MAP3K13: variants seen among roughly 807,000 people sequenced by gnomAD.
The protein encoded by MAP3K13 is mitogen-activated protein kinase kinase kinase 13, also known as leucine zipper-bearing kinase.
MAP3K13 carries 52 observed loss-of-function variants against 104.0 expected under a neutral mutation model. The observed-to-expected ratio is 0.50, with a 90% CI of 0.40 to 0.63. The LOEUF (loss-of-function observed/expected upper bound fraction) is 0.63. Among genes scored for constraint, MAP3K13 ranks in the 20% least tolerant of loss-of-function variants. MAP3K13 has a pLI of 0.00. For synonymous variants in MAP3K13, 394 were observed against 442.2 expected, an observed-to-expected ratio of 0.89 and a Z score of 1.37; for missense variants, 914 against 1,218.5, an observed-to-expected ratio of 0.75 and a Z score of 3.72.
intron 2 of MAP3K13, among the ~76,000 whole-genome samples, chr3:185,326,846 G>A (rs564444959): frequency 6.6e-6 from 1 of 152,272 alleles, no homozygotes; most frequent in Non-Finnish European, 1.5e-5. Context: ...ATTTATAAAA[G>A]TACAGCACCC....
rs148582078 is a variant in MAP3K13, at chr3:185,327,885, C to T, written c.-86+42242C>T. Among the ~76,000 whole-genome samples, 335 of 142,004 alleles carry T rather than the reference C, an allele frequency of 2.4e-3. 2 individuals carry two copies. The highest frequency in any genetic ancestry group is 7.4e-3 in the African/African-American group (291 of 39,114). The allele number at this position is 142,004 out of a possible 152,430, so 93.2% of individuals were successfully genotyped here. Reference sequence around the variant, plus strand: ...CAAGATCGTGCCACTGCACTCCAGCCGGGACAACAGAGTGAGACTCTGTCA... The same window carrying T: ...CAAGATCGTGCCACTGCACTCCAGCTGGGACAACAGAGTGAGACTCTGTCA... On this transcript the variant is annotated intron_variant, in intron 2 of 14. Transcript: ENST00000424227.
Position 185,447,888 on chromosome 3 carries a change from C to T in MAP3K13, c.951C>T (p.Val317=), listed in dbSNP as rs200384064. The T allele has an allele frequency of 1.2e-5, 19 of 1,614,022 alleles. No individual in the cohort carries two copies. The highest frequency in any genetic ancestry group is 1.1e-4 in the East Asian group (5 of 44,882). Residue 317 remains valine (V), a synonymous_variant, in exon 5 of 14, where the codon GTC becomes GTT. Transcript: ENST00000265026. ...KSTKMSFAGT[V]AWMAPEVIRN... is the part of the protein sequence containing the mutation. Reference sequence around the variant, plus strand: ...CCAAGATGTCATTTGCTGGCACGGTCGCATGGATGGCGCCAGAGGTGATAC... The same window carrying T: ...CCAAGATGTCATTTGCTGGCACGGTTGCATGGATGGCGCCAGAGGTGATAC...
intron 1 of MAP3K13, among the ~76,000 whole-genome samples, chr3:185,363,673 G>A (rs1723741168): frequency 6.6e-6 from 1 of 152,242 alleles, no homozygotes. Context: ...TCTGAGAGAT[G>A]ATGTGGATGG....
intron 1 of MAP3K13, among the ~76,000 whole-genome samples, chr3:185,407,697 C>T (rs946533406): frequency 6.6e-6 from 1 of 152,024 alleles, no homozygotes; most frequent in Middle Eastern, 3.2e-3. Context: ...AAGTGTGTTC[C>T]CTCTTCCCCA....
chr3:185,376,070 C>T (rs1030167428), intron 1 of MAP3K13, among the ~76,000 whole-genome samples: 10 of 152,048 alleles, frequency 6.6e-5, no homozygotes, highest in East Asian at 5.8e-4. Context: ...GAACTGCCAT[C>T]AATAAACCAA....
chr3:185,357,127 T>C (rs1723391402), intron 2 of MAP3K13, among the ~76,000 whole-genome samples: 1 of 151,670 alleles, frequency 6.6e-6, no homozygotes, highest in African/African-American at 2.4e-5. Flanking sequence ...CTCTCTCTCT[T>C]TTTACATGAG....
chr3:185,333,880 G>A (rs145812346), intron 2 of MAP3K13, among the ~76,000 whole-genome samples: 190 of 152,082 alleles, frequency 1.2e-3, no homozygotes, highest in African/African-American at 4.4e-3. Context: ...ATGACAAAAC[G>A]CTGTGTCTAC....
intron 1 of MAP3K13, among the ~76,000 whole-genome samples, chr3:185,404,404 T>G (rs1712987895): frequency 6.6e-6 from 1 of 152,046 alleles, no homozygotes; most frequent in African/African-American, 2.4e-5. Flanking sequence ...GGAGATGAGA[T>G]CAATTCTGGG....
chr3:185,404,215 A>G (rs1712977155), intron 1 of MAP3K13, among the ~76,000 whole-genome samples: 2 of 152,278 alleles, frequency 1.3e-5, no homozygotes, highest in Admixed American at 1.3e-4. Context: ...CTTACCTGTG[A>G]TTAGTGAAGA....
intron 3 of MAP3K13, among the ~76,000 whole-genome samples, chr3:185,441,440 A>G (rs1304383162): frequency 6.6e-6 from 1 of 152,218 alleles, no homozygotes; most frequent in Non-Finnish European, 1.5e-5. Flanking sequence ...TTTCCCTTCA[A>G]GGAGCTTACA....
intron 7 of MAP3K13, among the ~76,000 whole-genome samples, chr3:185,460,173 T>C (rs1010646642): frequency 1.3e-5 from 2 of 152,236 alleles, no homozygotes; most frequent in African/African-American, 4.8e-5. Context: ...GTACATTCCA[T>C]GACCCCCAGT....
chr3:185,334,877 G>T (rs1722421348), intron 2 of MAP3K13, among the ~76,000 whole-genome samples: 2 of 152,102 alleles, frequency 1.3e-5, no homozygotes, highest in African/African-American at 4.8e-5. Context: ...CCAAAGTGCT[G>T]GGATTACAGG....
chr3:185,394,650 T>C (rs1712273107), intron 1 of MAP3K13, among the ~76,000 whole-genome samples: 1 of 152,202 alleles, frequency 6.6e-6, no homozygotes, highest in Admixed American at 6.5e-5. Flanking sequence ...GGAGTTAAAT[T>C]CCAACATCTC....
chr3:185,466,698 G>A, intron 9 of MAP3K13, 128 bp from the exon 10 acceptor site: 1 of 1,140,072 alleles, frequency 8.8e-7, no homozygotes, highest in South Asian at 1.4e-5. Flanking sequence ...TTTTAAACCT[G>A]AATAGCAGTC....
intron 2 of MAP3K13, among the ~76,000 whole-genome samples, chr3:185,355,208 A>G (rs564126920): frequency 3.9e-5 from 6 of 152,178 alleles, no homozygotes; most frequent in Non-Finnish European, 8.8e-5. Flanking sequence ...ACGGTGGTTC[A>G]TGCCTGTAAT....
intron 1 of MAP3K13, among the ~76,000 whole-genome samples, chr3:185,387,485 C>T (rs1392742317): frequency 2.0e-5 from 3 of 152,098 alleles, no homozygotes; most frequent in African/African-American, 7.2e-5. Context: ...GCATCAGAAT[C>T]AGGAGCCAGG....
At chr3:185,414,501 G>A (rs910771294) in intron 1 of MAP3K13, among the ~76,000 whole-genome samples, 2 of 152,138 alleles carry the variant, frequency 1.3e-5, no homozygotes, top group Non-Finnish European at 2.9e-5. Context: ...TGCTCCCTCC[G>A]AACTTGAACC....
intron 1 of MAP3K13, among the ~76,000 whole-genome samples, chr3:185,393,140 G>A (rs896841786): frequency 6.6e-6 from 1 of 152,020 alleles, no homozygotes; most frequent in African/African-American, 2.4e-5. Flanking sequence ...GGAGAAGTAT[G>A]CAAATGTAAG....
intron 2 of MAP3K13, among the ~76,000 whole-genome samples, chr3:185,338,327 CAAA>C (rs72043151): frequency 7.3e-5 from 4 of 54,714 alleles, no homozygotes; most frequent in Admixed American, 3.9e-4. Flanking sequence ...GAGACTCTCT[CAAA>C]AAAAAAAAAA....
Sources: allele counts gnomAD v4.1 joint callset (sites outside exome capture counted in the v4.1 genomes callset), GRCh38; gene constraint gnomAD v4.1.1; transcripts MANE v1.5; gene names NCBI Gene and HGNC (gene_info 2026-07-23, HGNC 2026-07-21).